The following RTL4 variants were observed in gnomAD, a reference collection of about 807,000 sequenced individuals.
RTL4 encodes the protein retrotransposon Gag-like protein 4.
In RTL4, 4 loss-of-function variants were observed where a neutral mutation model predicts 5.3. The observed-to-expected ratio is 0.75, with a 90% CI of 0.37 to 1.72. RTL4 has a LOEUF of 1.72. Ranked by LOEUF, RTL4 falls within the 40% of genes most tolerant of loss-of-function variation. The pLI, the probability that RTL4 is intolerant of heterozygous loss-of-function variation, is 0.04. For missense variants in RTL4, 260 were observed against 227.1 expected (o/e 1.14, Z -0.93); for synonymous variants, 98 against 87.3 (o/e 1.12, Z -0.68).
At chrX:112,197,704 G>A in the RTL4 span, among the ~76,000 whole-genome samples, 23,099 of 110,559 alleles carry the variant, frequency 0.21, 1,859 homozygotes, top group African/African-American at 0.27. Context: ...CCTCCCCTCC[G>A]TGTCATTGCT....
the RTL4 span, among the ~76,000 whole-genome samples, chrX:112,100,634 T>C: frequency 1.8e-5 from 2 of 111,876 alleles, no homozygotes; most frequent in Non-Finnish European, 3.8e-5. Context: ...TTTTCTTCCA[T>C]GGAAAAAAGA....
the RTL4 span, among the ~76,000 whole-genome samples, chrX:112,194,995 G>T: frequency 8.9e-6 from 1 of 112,159 alleles, no homozygotes; most frequent in African/African-American, 3.2e-5. Context: ...ATGAGCAAAA[G>T]CATGGAAGTA....
At chrX:112,174,041 C>G in the RTL4 span, among the ~76,000 whole-genome samples, 1 of 97,125 alleles carries the variant, frequency 1.0e-5, no homozygotes, top group East Asian at 3.3e-4. Context: ...CATGGGTTGT[C>G]TTATTTTCGT....
chrX:112,449,694 C>T (rs1926700546), upstream of RTL4, among the ~76,000 whole-genome samples: 1 of 111,602 alleles, frequency 9.0e-6, no homozygotes, highest in Non-Finnish European at 1.9e-5. Flanking sequence ...GGTCAGTCAC[C>T]CGATATTCAC....
chrX:112,210,756 A>C, the RTL4 span, among the ~76,000 whole-genome samples: 1 of 112,177 alleles, frequency 8.9e-6, no homozygotes. Flanking sequence ...CAAGGGAAAA[A>C]AGGGGTCTTG....
chrX:112,353,216 C>T, the RTL4 span, among the ~76,000 whole-genome samples: 21 of 111,632 alleles, frequency 1.9e-4, no homozygotes, highest in African/African-American at 5.5e-4. Flanking sequence ...GAAATAGGAA[C>T]GCTTTTACAC....
At chrX:112,221,879 C>T in the RTL4 span, among the ~76,000 whole-genome samples, 4 of 112,653 alleles carry the variant, frequency 3.6e-5, no homozygotes, top group Non-Finnish European at 5.6e-5. Flanking sequence ...GTCTTGTTAC[C>T]TGTGAGCTTC....
At chrX:112,253,399 G>A in the RTL4 span, among the ~76,000 whole-genome samples, 1 of 112,170 alleles carries the variant, frequency 8.9e-6, no homozygotes, top group Non-Finnish European at 1.9e-5. Flanking sequence ...TGTTTCCTAC[G>A]AAATTCACTG....
the RTL4 span, among the ~76,000 whole-genome samples, chrX:112,153,504 G>A: frequency 4.5e-5 from 5 of 111,564 alleles, no homozygotes; most frequent in African/African-American, 1.6e-4. Flanking sequence ...ACTATTTAAG[G>A]TTCTTTTATT....
chrX:112,323,949 AG>A, the RTL4 span, among the ~76,000 whole-genome samples: 11 of 112,280 alleles, frequency 9.8e-5, no homozygotes, highest in Non-Finnish European at 2.1e-4. Context: ...TTAACATACC[AG>A]AAAATTCACT....
the RTL4 span, among the ~76,000 whole-genome samples, chrX:112,202,881 A>G: frequency 9.0e-6 from 1 of 111,477 alleles, no homozygotes; most frequent in Non-Finnish European, 1.9e-5. Flanking sequence ...TTAAATCCCA[A>G]TGGCAATATA....
chrX:112,316,062 G>C, the RTL4 span, among the ~76,000 whole-genome samples: 1 of 112,125 alleles, frequency 8.9e-6, no homozygotes, highest in Non-Finnish European at 1.9e-5. Context: ...ACCTGCAGTG[G>C]AGAAGGGTTT....
the RTL4 span, among the ~76,000 whole-genome samples, chrX:112,130,382 C>T: frequency 9.2e-6 from 1 of 109,160 alleles, no homozygotes; most frequent in African/African-American, 3.3e-5. Context: ...GGTAGGCCAA[C>T]TTGCCAGCTT....
At chrX:112,146,096 A>G in the RTL4 span, among the ~76,000 whole-genome samples, 1 of 112,140 alleles carries the variant, frequency 8.9e-6, no homozygotes, top group Non-Finnish European at 1.9e-5. Flanking sequence ...CAGGGAGATC[A>G]GATTGGAGGC....
At chrX:112,288,694 C>T in the RTL4 span, among the ~76,000 whole-genome samples, 4 of 111,744 alleles carry the variant, frequency 3.6e-5, no homozygotes, top group East Asian at 2.8e-4. Flanking sequence ...GGGCTCTTCT[C>T]TATACCATCC....
At chrX:112,414,186 G>A in the RTL4 span, among the ~76,000 whole-genome samples, 1 of 109,985 alleles carries the variant, frequency 9.1e-6, no homozygotes, top group Non-Finnish European at 1.9e-5. Flanking sequence ...ACTTTTTTTT[G>A]TTGTTGGGTT....
the RTL4 span, among the ~76,000 whole-genome samples, chrX:112,122,939 T>TCCTAA: frequency 1.8e-5 from 2 of 111,547 alleles, no homozygotes; most frequent in Admixed American, 1.9e-4. Context: ...AATTTTAACC[T>TCCTAA]TTGTTAATTA....
chrX:112,440,212 T>C, the RTL4 span, among the ~76,000 whole-genome samples: 1 of 112,057 alleles, frequency 8.9e-6, no homozygotes, highest in African/African-American at 3.2e-5. Flanking sequence ...TTCCATTTTT[T>C]ATTCACTTAT....
the RTL4 span, among the ~76,000 whole-genome samples, chrX:112,350,573 C>G: frequency 9.0e-6 from 1 of 111,422 alleles, no homozygotes; most frequent in Non-Finnish European, 1.9e-5. Context: ...AGAGATTCAA[C>G]TTCTTCCTGA....
Sources: gnomAD v4.1 joint callset for allele counts (sites outside exome capture counted in the v4.1 genomes callset) on GRCh38, gnomAD v4.1.1 for gene constraint, MANE v1.5 for transcripts, NCBI Gene and HGNC (gene_info 2026-07-23, HGNC 2026-07-21) for gene names.